ADCY2: variants seen among roughly 807,000 people sequenced by gnomAD.
The protein encoded by ADCY2 is adenylate cyclase 2, also known as adenylate cyclase type 2.
A neutral mutation model predicts 125.2 loss-of-function variants in ADCY2; 31 were observed. That is an observed-to-expected ratio of 0.25 (90% CI 0.19 to 0.33). The LOEUF is 0.33. ADCY2 is among the 10% of genes least tolerant of loss of function. ADCY2 has a pLI of 1.00. For synonymous variants in ADCY2, 512 were observed against 548.4 expected (o/e 0.93, Z 0.93); for missense variants, 904 against 1,418.2 (o/e 0.64, Z 5.82).
intron 11 of ADCY2, among the ~76,000 whole-genome samples, chr5:7,716,252 A>T (rs79914996): frequency 0.012 from 1,854 of 152,316 alleles, 31 homozygotes; most frequent in African/African-American, 0.042. Flanking sequence ...ATTTAAATAC[A>T]TACAATTAAG....
intron 2 of ADCY2, among the ~76,000 whole-genome samples, chr5:7,461,016 G>A (rs1396362736): frequency 6.6e-6 from 1 of 152,190 alleles, no homozygotes; most frequent in African/African-American, 2.4e-5. Context: ...TTGGAATCCT[G>A]AGTTGGTAGA....
intron 20 of ADCY2, chr5:7,801,529 C>G (rs1387800771): frequency 6.6e-6 from 1 of 152,238 alleles, no homozygotes; most frequent in Non-Finnish European, 1.5e-5. Context: ...ACAACTCTTC[C>G]TTTCTGGAAC....
chr5:7,532,036 C>G (rs1206803066), intron 3 of ADCY2, among the ~76,000 whole-genome samples: 1 of 152,168 alleles, frequency 6.6e-6, no homozygotes, highest in South Asian at 2.1e-4. Flanking sequence ...TAGTGTACAA[C>G]ATATGAAGAT....
intron 1 of ADCY2, among the ~76,000 whole-genome samples, 191 bp from the exon 2 acceptor site, chr5:7,414,382 T>A (rs982906572): frequency 6.6e-6 from 1 of 152,172 alleles, no homozygotes; most frequent in Non-Finnish European, 1.5e-5. Context: ...GGATTATCTA[T>A]TTAGAAAAAC....
chr5:7,736,162 G>A (rs1742245735), intron 14 of ADCY2, among the ~76,000 whole-genome samples: 1 of 152,186 alleles, frequency 6.6e-6, no homozygotes, highest in African/African-American at 2.4e-5. Context: ...AGAGGCTGCA[G>A]TTAGCTGTGA....
chr5:7,454,624 T>C (rs970202453), intron 2 of ADCY2, among the ~76,000 whole-genome samples: 3 of 152,234 alleles, frequency 2.0e-5, no homozygotes, highest in African/African-American at 7.2e-5. Flanking sequence ...AATAATGTTT[T>C]GTGGCAAAAA....
chr5:7,757,465 C>T lies in ADCY2; in HGVS notation c.1973C>T (p.Ala658Val). The change falls in exon 16 of 25, where the codon GCC becomes GTC. Residue 658 changes from alanine to valine, a missense_variant. By Grantham distance (64) the Ala-to-Val change is moderately conservative. Transcript: ENST00000338316. ...TTCTCCTAGCAATGCAGCAAAAAAG[C>T]CTCTCCCCTGCTCATGTGGCTTTTG... ...AGQLLQCSKK[A>V]SPLLMWLLKS... 1 of 1,613,938 alleles carries T rather than the reference C, an allele frequency of 6.2e-7. No individual in the cohort carries two copies. The highest frequency in any genetic ancestry group is 1.3e-5 in the African/African-American group (1 of 75,038).
chr5:7,418,647 G>GTTTTTTTGT (rs1740054008), intron 2 of ADCY2, among the ~76,000 whole-genome samples: 17 of 73,750 alleles, frequency 2.3e-4, no homozygotes, highest in African/African-American at 1.0e-3. Context: ...TCTACCTTCT[G>GTTTTTTTGT]TTTTTTTTTT....
intron 5 of ADCY2, among the ~76,000 whole-genome samples, chr5:7,695,311 C>T (rs779873538): frequency 3.3e-5 from 5 of 152,150 alleles, no homozygotes; most frequent in Non-Finnish European, 5.9e-5. Context: ...CCTCTGTAGC[C>T]CTTTTTATGA....
Position 7,548,113 on chromosome 5 carries a change from T to G in ADCY2, c.570+27214T>G, listed in dbSNP as rs142586368. ...TGAATCTGAGCGGCATTTGTGAAAC[T>G]GTTTTCTTTTCTGTATAGGGCCGAA... On this transcript the variant is annotated intron_variant, in intron 3 of 24. Coordinates refer to ENST00000338316, the MANE Select transcript of ADCY2 (RefSeq NM_020546.3). Among the ~76,000 whole-genome samples the G allele has an allele frequency of 4.8e-3, 729 of 152,334 alleles. 10 individuals carry two copies. Among genetic ancestry groups the G allele is most frequent in the African/African-American group, 0.016 (683 of 41,570 alleles).
At chr5:7,632,732 A>T (rs1167562043) in intron 4 of ADCY2, among the ~76,000 whole-genome samples, 5 of 152,226 alleles carry the variant, frequency 3.3e-5, no homozygotes, top group Non-Finnish European at 7.3e-5. Context: ...TGAAGCTCAG[A>T]TGTCATGCCT....
chr5:7,654,628 C>T (rs1174613908), intron 4 of ADCY2, among the ~76,000 whole-genome samples: 2 of 152,160 alleles, frequency 1.3e-5, no homozygotes, highest in Non-Finnish European at 2.9e-5. Context: ...TCTGCCTTCT[C>T]ATTTTACAAG....
At chr5:7,741,711 T>TATCATC (rs1742425191) in intron 14 of ADCY2, among the ~76,000 whole-genome samples, 1 of 6,136 alleles carries the variant, frequency 1.6e-4, no homozygotes, top group Non-Finnish European at 3.6e-4. Context: ...TAACCATCTC[T>TATCATC]ATCACCATCA....
intron 18 of ADCY2, among the ~76,000 whole-genome samples, chr5:7,778,711 T>C (rs1407888988): frequency 6.6e-6 from 1 of 152,178 alleles, no homozygotes; most frequent in Non-Finnish European, 1.5e-5. Flanking sequence ...CCATGTCTCA[T>C]GGAAATCCCA....
chr5:7,582,978 A>G (rs1736486251), intron 3 of ADCY2, among the ~76,000 whole-genome samples: 1 of 152,136 alleles, frequency 6.6e-6, no homozygotes, highest in African/African-American at 2.4e-5. Context: ...AACTAGTAGA[A>G]TTAATATGCA....
At chr5:7,746,404 T>C (rs1742628359) in intron 15 of ADCY2, 2 of 152,228 alleles carry the variant, frequency 1.3e-5, no homozygotes, top group Admixed American at 1.3e-4. Flanking sequence ...TAGGTCCTTT[T>C]TTACTGTTTA....
intron 2 of ADCY2, among the ~76,000 whole-genome samples, chr5:7,468,125 C>T (rs1742194443): frequency 1.3e-5 from 2 of 152,124 alleles, no homozygotes; most frequent in African/African-American, 4.8e-5. Context: ...TCAATCCCTT[C>T]CTTATAAGTT....
chr5:7,709,758 G>A lies in ADCY2; in HGVS notation c.1578+371G>A, dbSNP rs1741380491. ...AAGACAAAGGCATGATGCCCTTGGA[G>A]TTTAAGTAGTATCATCAAGCCCATT... On this transcript the variant is annotated intron_variant, in intron 10 of 24. Transcript: ENST00000338316. The surrounding 1 kb of genome is among the most constrained non-coding windows in gnomAD (Gnocchi z 4.4). 6.6e-6 allele frequency among the ~76,000 whole-genome samples: 1 copy of A among 152,204 alleles called. No homozygotes were observed. Among genetic ancestry groups the A allele is most frequent in the South Asian group, 2.1e-4 (1 of 4,828 alleles).
intron 7 of ADCY2, among the ~76,000 whole-genome samples, chr5:7,700,196 A>G (rs1188298660): frequency 3.3e-5 from 5 of 152,212 alleles, no homozygotes; most frequent in African/African-American, 9.6e-5. Context: ...TATTTGTAAC[A>G]TATATTTTCT....
Sources: gnomAD v4.1 joint callset for allele counts (sites outside exome capture counted in the v4.1 genomes callset) on GRCh38, gnomAD v4.1.1 for gene constraint, Gnocchi (gnomAD v3.1) non-coding constraint, MANE v1.5 for transcripts, NCBI Gene and HGNC (gene_info 2026-07-23, HGNC 2026-07-21) for gene names.